The following TLL2 variants were observed in gnomAD, a reference collection of about 807,000 sequenced individuals.
TLL2 encodes the protein tolloid-like protein 2.
TLL2 carries 106 observed loss-of-function variants against 123.0 expected under a neutral mutation model. That is an observed-to-expected ratio of 0.86 (90% CI 0.74 to 1.01). The LOEUF is 1.01. TLL2 is among the 50% of genes least tolerant of loss of function. TLL2 has a pLI of 0.00. For missense variants in TLL2, 1,332 were observed against 1,336.7 expected (o/e 1.00, Z 0.06); for synonymous variants, 494 against 516.8 (o/e 0.96, Z 0.60).
At chr10:96,376,971 TGGC>T (rs2134053109) in intron 17 of TLL2, 152 bp from the exon 18 acceptor site, 1 of 656,012 alleles carries the variant, frequency 1.5e-6, no homozygotes, top group Admixed American at 3.7e-5. Flanking sequence ...AGGTATCTCC[TGGC>T]TCAGGGATGT....
chr10:96,469,630 A>G (rs1252014508), intron 2 of TLL2, among the ~76,000 whole-genome samples: 1 of 152,114 alleles, frequency 6.6e-6, no homozygotes, highest in East Asian at 1.9e-4. Flanking sequence ...CCCCCAACCC[A>G]GTGGGGGCTT....
intron 1 of TLL2, among the ~76,000 whole-genome samples, chr10:96,486,656 G>C (rs889641337): frequency 4.6e-5 from 7 of 152,212 alleles, no homozygotes; most frequent in African/African-American, 1.7e-4. Flanking sequence ...GCATCCTCCT[G>C]CTGTCTTAGT....
chr10:96,371,349 T>TAAAA (rs1248997187), intron 19 of TLL2, among the ~76,000 whole-genome samples: 19 of 148,912 alleles, frequency 1.3e-4, no homozygotes, highest in Non-Finnish European at 1.8e-4. Flanking sequence ...AATAAATAAA[T>TAAAA]AAAATAGATA....
chr10:96,365,414 A>G lies in TLL2; in HGVS notation c.*2674T>C, dbSNP rs1443833113. On this transcript the variant is annotated 3_prime_UTR_variant, in exon 21 of 21. Coordinates refer to ENST00000357947, the MANE Select transcript of TLL2 (RefSeq NM_012465.4). ...GCAATCCAGGCTTAGCTTTTGCTAG[A>G]CCGGGTTACACCAGAACGGAGCCAG... 1 of 152,236 alleles carries G rather than the reference A, an allele frequency of 6.6e-6. No individual in the cohort carries two copies. Among genetic ancestry groups the G allele is most frequent in the Non-Finnish European group, 1.5e-5 (1 of 68,052 alleles). 9.4% of individuals were successfully genotyped at this position (152,236 alleles called of 1,614,324 possible). A position where few individuals can be genotyped will look rare whatever the true frequency, so the allele number is the denominator to read the frequency against.
chr10:96,401,197 T>TC (rs1056644664), intron 10 of TLL2, among the ~76,000 whole-genome samples: 6 of 152,260 alleles, frequency 3.9e-5, no homozygotes, highest in African/African-American at 9.6e-5. Context: ...AAGTTATGCG[T>TC]CCATTATGCC....
intron 13 of TLL2, among the ~76,000 whole-genome samples, chr10:96,390,550 G>C (rs576232488): frequency 1.3e-4 from 20 of 152,368 alleles, no homozygotes; most frequent in African/African-American, 4.8e-4. Flanking sequence ...GCCAGGATCA[G>C]GCGCCAGCTG....
At chr10:96,424,709 AG>A (rs1219188805) in intron 5 of TLL2, among the ~76,000 whole-genome samples, 1 of 152,122 alleles carries the variant, frequency 6.6e-6, no homozygotes, top group Non-Finnish European at 1.5e-5. Context: ...AAACTAGTCA[AG>A]AGTGTTGCAA....
rs77675226 is a variant in TLL2, at chr10:96,498,630, T to C, written c.175+14881A>G. Among the ~76,000 whole-genome samples, 1,334 of 152,360 alleles carry C rather than the reference T, an allele frequency of 8.8e-3. 25 individuals are homozygous for C. Among genetic ancestry groups the C allele is most frequent in the African/African-American group, 0.03 (1,258 of 41,588 alleles). Reference sequence around the variant, plus strand: ...AAGCTTTTCCAGACTCCCAAATAGCTGTCTGTGGCCAAGTGACTAAGTTCT... The same window carrying C: ...AAGCTTTTCCAGACTCCCAAATAGCCGTCTGTGGCCAAGTGACTAAGTTCT... On this transcript the variant is annotated intron_variant, in intron 1 of 20. Coordinates refer to ENST00000357947, the MANE Select transcript of TLL2 (RefSeq NM_012465.4).
chr10:96,510,813 A>G (rs554912240), intron 1 of TLL2, among the ~76,000 whole-genome samples: 4 of 152,360 alleles, frequency 2.6e-5, no homozygotes, highest in Admixed American at 1.3e-4. Flanking sequence ...ACTGGATAGG[A>G]AGCAGCCAGG....
At chr10:96,431,945 G>T (rs1846746174) in intron 4 of TLL2, among the ~76,000 whole-genome samples, 1 of 152,084 alleles carries the variant, frequency 6.6e-6, no homozygotes, top group South Asian at 2.1e-4. Context: ...GCCTATGAGG[G>T]GGGCACGTCT....
chr10:96,371,535 C>T (rs761391334), intron 19 of TLL2, among the ~76,000 whole-genome samples: 1 of 152,214 alleles, frequency 6.6e-6, no homozygotes, highest in Non-Finnish European at 1.5e-5. Context: ...CCTGCCTGGC[C>T]CCGGTCCTGT....
intron 1 of TLL2, among the ~76,000 whole-genome samples, chr10:96,496,984 A>C (rs1847482796): frequency 6.8e-6 from 1 of 147,002 alleles, no homozygotes; most frequent in African/African-American, 2.4e-5. Flanking sequence ...ATTACATTGT[A>C]AGGATACTAA....
At chr10:96,432,686 T>C in intron 4 of TLL2, 121 bp downstream of exon 4, 1 of 1,289,084 alleles carries the variant, frequency 7.8e-7, no homozygotes, top group Non-Finnish European at 1.1e-6. Context: ...GCATCATCTG[T>C]AGGCCTGCTG....
intron 16 of TLL2, among the ~76,000 whole-genome samples, chr10:96,382,998 GA>G (rs111491241): frequency 0.031 from 4,741 of 152,032 alleles, 269 homozygotes; most frequent in African/African-American, 0.11. Flanking sequence ...ATTCCAGGGA[GA>G]GGGAACGCCA....
At chr10:96,500,275 G>A (rs1018352963) in intron 1 of TLL2, among the ~76,000 whole-genome samples, 30 of 151,854 alleles carry the variant, frequency 2.0e-4, no homozygotes, top group Admixed American at 3.9e-4. Flanking sequence ...CTGTGATTGC[G>A]CCACTGCACT....
At position 96,422,694 on chromosome 10, in the gene TLL2, G is replaced by C. The variant is rs1846637400; in HGVS notation, c.672C>G (p.Gly224=). 2.5e-6 allele frequency: 4 copies of C among 1,614,058 alleles called. No individual in the cohort carries two copies. The highest frequency in any genetic ancestry group is 3.4e-6 in the Non-Finnish European group (4 of 1,180,034). ...CCSYVGRRGG[G]PQAISIGKNC... is the part of the protein sequence containing the mutation. ...TCTTCCCAATGGATATGGCCTGTGG[G>C]CCTCCTCCTCGGCGCCCAACATAGG... Residue 224 remains glycine, a synonymous_variant, in exon 6 of 21, where the codon GGC becomes GGG. Transcript: ENST00000357947.
intron 3 of TLL2, among the ~76,000 whole-genome samples, chr10:96,436,411 T>C (rs1299666053): frequency 6.6e-6 from 1 of 152,244 alleles, no homozygotes; most frequent in Non-Finnish European, 1.5e-5. Flanking sequence ...TCATATGTTG[T>C]TCAAATATTC....
At chr10:96,459,705 A>ACATATATATATATATATAT (rs59493100) in intron 2 of TLL2, among the ~76,000 whole-genome samples, 2 of 38,042 alleles carry the variant, frequency 5.3e-5, no homozygotes, top group Non-Finnish European at 4.4e-5. Flanking sequence ...AAAAAAAAAA[A>ACATATATATATATATATAT]ATATATATAT....
chr10:96,473,992 G>A (rs780422648), intron 2 of TLL2, among the ~76,000 whole-genome samples: 5 of 152,258 alleles, frequency 3.3e-5, no homozygotes, highest in African/African-American at 7.2e-5. Flanking sequence ...AAGTGTATGC[G>A]CGCCTGTGTG....
Sources: allele counts gnomAD v4.1 joint callset (sites outside exome capture counted in the v4.1 genomes callset), GRCh38; gene constraint gnomAD v4.1.1; transcripts MANE v1.5; gene names NCBI Gene and HGNC (gene_info 2026-07-23, HGNC 2026-07-21).